Variants in BICDL1 observed in about 807,000 individuals in gnomAD.
The protein encoded by BICDL1 is BICD family-like cargo adapter 1.
A neutral mutation model predicts 76.8 loss-of-function variants in BICDL1; 20 were observed. The ratio of observed to expected loss-of-function variants is 0.26; its 90% CI spans 0.18 to 0.38. The LOEUF is 0.38. Ranked by LOEUF, BICDL1 falls within the 10% of genes least tolerant of loss-of-function variation. The pLI is 1.00. For synonymous variants in BICDL1, 383 were observed against 337.1 expected (o/e 1.14, Z -1.49); for missense variants, 700 against 798.6 (o/e 0.88, Z 1.49).
Position 119,990,033 on chromosome 12 carries a change from G to T in BICDL1, c.165G>T (p.Ala55=). The part of the protein sequence containing the change: ...FPGGSGELEL[A]LEEELALLAA... ...GGGGCTCCGGGGAGCTAGAACTGGCGTTAGAGGAGGAGCTGGCGCTGCTGG... is the reference window on the plus strand; with the variant it reads ...GGGGCTCCGGGGAGCTAGAACTGGCTTTAGAGGAGGAGCTGGCGCTGCTGG... Residue 55 remains alanine, a synonymous_variant, in exon 1 of 10, where the codon GCG becomes GCT. Transcript: ENST00000548673. 2 of 1,525,382 alleles carry T rather than the reference G, an allele frequency of 1.3e-6. No individual in the cohort carries two copies. The highest frequency in any genetic ancestry group is 1.8e-6 in the Non-Finnish European group (2 of 1,142,128). The allele number at this position is 1,525,382 out of a possible 1,614,324, so 94.5% of individuals were successfully genotyped here.
At chr12:120,058,449 A>T (rs1953028808) in intron 2 of BICDL1, among the ~76,000 whole-genome samples, 2 of 152,214 alleles carry the variant, frequency 1.3e-5, no homozygotes, top group Admixed American at 1.3e-4. Flanking sequence ...TAGGAATAAG[A>T]TCAGCTACCT....
At chr12:119,991,079 G>A (rs919669331) in intron 1 of BICDL1, among the ~76,000 whole-genome samples, 3 of 150,858 alleles carry the variant, frequency 2.0e-5, no homozygotes, top group Non-Finnish European at 2.9e-5. Flanking sequence ...TTGTTTTCTT[G>A]CCCTTAACTA....
chr12:120,033,025 G>A (rs902383305), intron 2 of BICDL1, among the ~76,000 whole-genome samples: 14 of 151,880 alleles, frequency 9.2e-5, no homozygotes, highest in East Asian at 1.9e-4. Flanking sequence ...GATTACAGGC[G>A]TGAGCCACCA....
chr12:120,064,441 T>A (rs537038108), intron 3 of BICDL1, among the ~76,000 whole-genome samples: 13 of 151,904 alleles, frequency 8.6e-5, no homozygotes, highest in African/African-American at 2.9e-4. Flanking sequence ...TTTTTTTTTT[T>A]ATCTTATCTC....
intron 2 of BICDL1, among the ~76,000 whole-genome samples, chr12:120,060,578 A>G (rs1477759783): frequency 6.6e-6 from 1 of 152,242 alleles, no homozygotes; most frequent in Non-Finnish European, 1.5e-5. Flanking sequence ...GAGGGTATTT[A>G]AATGAAAATC....
In BICDL1 at chr12:119,989,897, G is replaced by C. The variant is rs1951476831; in HGVS notation, c.29G>C (p.Gly10Ala). The C allele has an allele frequency of 2.1e-6, 3 of 1,442,288 alleles. No individual in the cohort carries two copies. The African/African-American group carries it at 4.5e-5, about 22-fold the overall frequency. The allele number at this position is 1,442,288 out of a possible 1,614,324, so 89.3% of individuals were successfully genotyped here. A position where few individuals can be genotyped will look rare whatever the true frequency, so the allele number is the denominator to read the frequency against. The stretch of plus-strand genomic sequence containing the variant: ...TCCGCTTTCTGCCTGGGCTTGGTCG[G>C]CCGCGCTTCAGCACCCGCCGAGCCG... MSAFCLGLVGRASAPAEPDS... is the reference protein window; with the variant it reads MSAFCLGLVARASAPAEPDS... Residue 10 changes from glycine (G) to alanine (A), a missense_variant, in exon 1 of 10, where the codon GGC (glycine) becomes GCC (alanine). Transcript: ENST00000548673.
rs185018777 is a variant in BICDL1 at position 120,010,087 on chromosome 12, C to T, written c.645+11351C>T. ...CTCTTGAGATGTCATGTAGAACACA[C>T]GCAAGACCACCAGTGCCTCAGCCTG... On this transcript the variant is annotated intron_variant, in intron 2 of 9. Coordinates refer to ENST00000548673, the MANE Select transcript of BICDL1 (RefSeq NM_001367886.1). 2.6e-3 allele frequency among the ~76,000 whole-genome samples: 402 copies of T among 152,320 alleles called. 1 individual carries two copies. Among genetic ancestry groups the T allele is most frequent in the Non-Finnish European group, 1.7e-3 (114 of 68,022 alleles).
At chr12:120,026,034 C>T (rs972819621) in intron 2 of BICDL1, among the ~76,000 whole-genome samples, 4 of 152,028 alleles carry the variant, frequency 2.6e-5, no homozygotes, top group South Asian at 2.1e-4. Context: ...GATGGGGTTT[C>T]GCCATGTTGG....
Position 120,064,858 on chromosome 12 carries a change from G to A in BICDL1, c.888G>A (p.Gln296=). The A allele has an allele frequency of 6.2e-7, 1 of 1,612,186 alleles. No homozygotes were observed. Among genetic ancestry groups the A allele is most frequent in the East Asian group, 2.2e-5 (1 of 44,696 alleles). ...ACCGGGTGCTAATCCTGGAGAGGCAGGGCCATGACAAGGACCTACAGGTAC... is the reference window on the plus strand; with the variant it reads ...ACCGGGTGCTAATCCTGGAGAGGCAAGGCCATGACAAGGACCTACAGGTAC... The part of the protein sequence containing the change: ...LQDRVLILER[Q]GHDKDLQLHQ... Residue 296 remains glutamine, a synonymous_variant, in exon 4 of 10, where the codon CAG becomes CAA. Transcript: ENST00000548673.
chr12:119,993,488 T>C (rs1951571064), intron 1 of BICDL1: 2 of 152,244 alleles, frequency 1.3e-5, no homozygotes, highest in African/African-American at 4.8e-5. Context: ...TTTTTAGTTA[T>C]ATGTCTCTTG....
chr12:120,059,774 C>T (rs897116926), intron 2 of BICDL1, among the ~76,000 whole-genome samples: 2 of 151,982 alleles, frequency 1.3e-5, no homozygotes, highest in Admixed American at 6.6e-5. Flanking sequence ...AGTGGCAGCA[C>T]GATCATGGCT....
chr12:120,061,906 G>C (rs150159362), intron 3 of BICDL1, 80 bp downstream of exon 3: 3 of 883,724 alleles, frequency 3.4e-6, no homozygotes, highest in Non-Finnish European at 5.6e-6. Flanking sequence ...ATGTAAAAGG[G>C]CCTAAAATCT....
At chr12:120,038,200 A>G (rs1276854344) in intron 2 of BICDL1, among the ~76,000 whole-genome samples, 1 of 152,220 alleles carries the variant, frequency 6.6e-6, no homozygotes, top group Non-Finnish European at 1.5e-5. Flanking sequence ...CCCGTTTTCC[A>G]TCAAGACACA....
chr12:120,076,210 C>G (rs910481958), intron 7 of BICDL1, among the ~76,000 whole-genome samples: 5 of 152,142 alleles, frequency 3.3e-5, no homozygotes, highest in Admixed American at 3.3e-4. Flanking sequence ...GGTTAGGCAG[C>G]CACAGACATT....
intron 7 of BICDL1, among the ~76,000 whole-genome samples, chr12:120,077,834 A>G (rs1001455313): frequency 2.3e-5 from 3 of 128,572 alleles, no homozygotes; most frequent in Non-Finnish European, 4.7e-5. Flanking sequence ...GATCTTCCTG[A>G]AGCGTGACTT....
intron 2 of BICDL1, among the ~76,000 whole-genome samples, chr12:120,037,337 G>T (rs968217010): frequency 2.6e-5 from 4 of 152,052 alleles, no homozygotes; most frequent in Admixed American, 6.6e-5. Context: ...TTTGGAACTG[G>T]TTCTTTTTTG....
chr12:120,048,365 T>G (rs1952788035), intron 2 of BICDL1, among the ~76,000 whole-genome samples: 1 of 152,154 alleles, frequency 6.6e-6, no homozygotes, highest in South Asian at 2.1e-4. Flanking sequence ...TTAAGTTTTG[T>G]TTTAGTTTCT....
At chr12:120,087,159 G>A (rs1458194499) in intron 8 of BICDL1, among the ~76,000 whole-genome samples, 3 of 152,266 alleles carry the variant, frequency 2.0e-5, no homozygotes, top group Non-Finnish European at 2.9e-5. Flanking sequence ...GGCAACCGAT[G>A]CCGCGTGAGG....
chr12:120,080,333 A>C (rs1426034214), intron 7 of BICDL1, among the ~76,000 whole-genome samples: 1 of 152,208 alleles, frequency 6.6e-6, no homozygotes, highest in East Asian at 1.9e-4. Flanking sequence ...GAAGATGATA[A>C]TGTCACTTAG....
Sources: allele counts gnomAD v4.1 joint callset (sites outside exome capture counted in the v4.1 genomes callset), GRCh38; gene constraint gnomAD v4.1.1; transcripts MANE v1.5; gene names NCBI Gene and HGNC (gene_info 2026-07-23, HGNC 2026-07-21).